PDE4B: variants seen among roughly 807,000 people sequenced by gnomAD.
PDE4B encodes phosphodiesterase 4B.
In PDE4B, 20 loss-of-function variants were observed where a neutral mutation model predicts 82.2. The observed-to-expected ratio is 0.24, with a 90% confidence interval of 0.17 to 0.35. The LOEUF is 0.35. Ranked by LOEUF, PDE4B falls within the 10% of genes least tolerant of loss-of-function variation. The probability of loss-of-function intolerance (pLI) is 1.00; values close to 1 mark genes in which losing one functional copy is unlikely to be tolerated. For synonymous variants in PDE4B, 320 were observed against 318.9 expected, an observed-to-expected ratio of 1.00 and a Z score of -0.04; for missense variants, 655 against 907.2, an observed-to-expected ratio of 0.72 and a Z score of 3.57.
intron 1 of PDE4B, among the ~76,000 whole-genome samples, chr1:65,848,319 G>A (rs1646290349): frequency 6.6e-6 from 1 of 151,902 alleles, no homozygotes; most frequent in Non-Finnish European, 1.5e-5. Context: ...TTGTGTGTGT[G>A]TGTTTTAGTA....
intron 3 of PDE4B, among the ~76,000 whole-genome samples, chr1:65,941,478 G>T (rs1648445114): frequency 6.6e-6 from 1 of 152,004 alleles, no homozygotes; most frequent in Admixed American, 6.6e-5. Flanking sequence ...GTTTCCTTCT[G>T]ATGCCTTGAC....
chr1:65,948,223 G>T (rs148184694), intron 3 of PDE4B, among the ~76,000 whole-genome samples: 136 of 151,718 alleles, frequency 9.0e-4, no homozygotes, highest in African/African-American at 3.2e-3. Flanking sequence ...AGACAGACAT[G>T]GTTTGGACTC....
intron 1 of PDE4B, among the ~76,000 whole-genome samples, chr1:65,875,865 T>C (rs942192840): frequency 2.0e-5 from 3 of 151,542 alleles, no homozygotes; most frequent in African/African-American, 7.3e-5. Flanking sequence ...GACGAGTTAT[T>C]GGGTGCAGCG....
intron 7 of PDE4B, among the ~76,000 whole-genome samples, chr1:66,292,204 A>G (rs1193758664): frequency 3.3e-5 from 5 of 152,230 alleles, no homozygotes; most frequent in Non-Finnish European, 5.9e-5. Flanking sequence ...GACCTTTAAC[A>G]GGCTTGACTA....
intron 3 of PDE4B, among the ~76,000 whole-genome samples, chr1:66,083,525 TA>T (rs762906103): frequency 6.6e-6 from 1 of 152,094 alleles, no homozygotes; most frequent in Non-Finnish European, 1.5e-5. Context: ...TCATAGACCT[TA>T]TTATACTGAT....
At chr1:65,857,803 AT>A (rs1404099038) in intron 1 of PDE4B, among the ~76,000 whole-genome samples, 1 of 152,164 alleles carries the variant, frequency 6.6e-6, no homozygotes, top group Non-Finnish European at 1.5e-5. Flanking sequence ...AGATATCTTA[AT>A]GACTAGTTAC....
chr1:65,802,789 A>T (rs1645708556), intron 1 of PDE4B, among the ~76,000 whole-genome samples: 1 of 152,076 alleles, frequency 6.6e-6, no homozygotes, highest in African/African-American at 2.4e-5. Context: ...ATCAGTTGTC[A>T]TTGTGTCAAG....
chr1:66,301,895 G>A (rs927737510), intron 7 of PDE4B, among the ~76,000 whole-genome samples: 9 of 152,196 alleles, frequency 5.9e-5, no homozygotes, highest in East Asian at 3.9e-4. Flanking sequence ...TAACATGTTC[G>A]TTGGGCTTTT....
intron 3 of PDE4B, among the ~76,000 whole-genome samples, chr1:65,968,956 A>G (rs911867330): frequency 1.3e-5 from 2 of 152,186 alleles, no homozygotes; most frequent in African/African-American, 4.8e-5. Flanking sequence ...AATATTCATA[A>G]CCACATTTTG....
In PDE4B at chr1:65,879,232, GAA is replaced by G. The variant is rs1029317257; in HGVS notation, c.-70-34010_-70-34009del. On this transcript the variant is annotated intron_variant, in intron 1 of 16. Transcript: ENST00000341517. ...AAATACAAACCCAAAGCAGGGAAGG[GAA>G]AAGAGTGGGTCCCAGGGAAAACAGG... Among the ~76,000 whole-genome samples the G allele has an allele frequency of 4.5e-4, 69 of 152,256 alleles. 1 individual carries two copies. The highest frequency in any genetic ancestry group is 1.5e-3 in the African/African-American group (63 of 41,550).
chr1:66,123,583 C>CTT (rs530470512), intron 3 of PDE4B, among the ~76,000 whole-genome samples: 5 of 135,650 alleles, frequency 3.7e-5, no homozygotes, highest in East Asian at 4.5e-4. Context: ...TTTTATTTGT[C>CTT]TTTTTTTTTT....
chr1:66,230,021 A>G (rs1379386494), intron 3 of PDE4B, among the ~76,000 whole-genome samples: 1 of 152,166 alleles, frequency 6.6e-6, no homozygotes, highest in Admixed American at 6.5e-5. Flanking sequence ...ATTTTCTTCT[A>G]TATAGGACTC....
intron 3 of PDE4B, among the ~76,000 whole-genome samples, chr1:65,935,948 AAACAAC>A (rs527864035): frequency 7.9e-4 from 120 of 152,164 alleles, no homozygotes; most frequent in African/African-American, 2.7e-3. Context: ...AAAAAAAACA[AAACAAC>A]AACAACAACA....
At chr1:65,960,767 T>C (rs1649505352) in intron 3 of PDE4B, among the ~76,000 whole-genome samples, 1 of 152,154 alleles carries the variant, frequency 6.6e-6, no homozygotes, top group South Asian at 2.1e-4. Context: ...CTGAGGCCAC[T>C]GGGTATCTCT....
intron 3 of PDE4B, among the ~76,000 whole-genome samples, chr1:66,052,702 G>A (rs1262503156): frequency 6.6e-6 from 1 of 152,102 alleles, no homozygotes; most frequent in Admixed American, 6.6e-5. Context: ...GATGTGTGTA[G>A]GGTGGTATAG....
intron 7 of PDE4B, among the ~76,000 whole-genome samples, chr1:66,285,083 C>T (rs1038775538): frequency 6.6e-6 from 1 of 152,122 alleles, no homozygotes; most frequent in African/African-American, 2.4e-5. Flanking sequence ...GAAATTACGA[C>T]AAGAGCAACA....
intron 3 of PDE4B, among the ~76,000 whole-genome samples, chr1:65,990,419 G>T (rs754542447): frequency 6.6e-6 from 1 of 152,062 alleles, no homozygotes; most frequent in Non-Finnish European, 1.5e-5. Flanking sequence ...ACTTCAAATT[G>T]CTGGGGTTTT....
chr1:66,268,412 G>A (rs1028665479), intron 7 of PDE4B, among the ~76,000 whole-genome samples: 2 of 152,102 alleles, frequency 1.3e-5, no homozygotes, highest in Non-Finnish European at 2.9e-5. Context: ...GCTCATGCCT[G>A]TAATCCCAAC....
intron 1 of PDE4B, among the ~76,000 whole-genome samples, chr1:65,841,367 AG>A (rs1646205631): frequency 6.9e-6 from 1 of 145,354 alleles, no homozygotes; most frequent in African/African-American, 2.6e-5. Flanking sequence ...AGAGAGAGAA[AG>A]GGAAAGGAAA....
Sources: gnomAD v4.1 joint callset for allele counts (sites outside exome capture counted in the v4.1 genomes callset) on GRCh38, gnomAD v4.1.1 for gene constraint, MANE v1.5 for transcripts, NCBI Gene and HGNC (gene_info 2026-07-23, HGNC 2026-07-21) for gene names.